PKNOX2: variants seen among roughly 807,000 people sequenced by gnomAD.
PKNOX2 encodes the protein PBX/knotted 1 homeobox 2.
Under a neutral mutation model 53.1 loss-of-function variants are expected in PKNOX2, and 14 were observed. The observed-to-expected ratio is 0.26, with a 90% CI of 0.17 to 0.41. PKNOX2 has a LOEUF of 0.41. Ranked by LOEUF, PKNOX2 falls within the 10% of genes least tolerant of loss-of-function variation. The pLI is 1.00. For synonymous variants in PKNOX2, 257 were observed against 242.8 expected, an observed-to-expected ratio of 1.06 and a Z score of -0.54; for missense variants, 496 against 602.8, an observed-to-expected ratio of 0.82 and a Z score of 1.85.
At chr11:125,274,093 G>T (rs1027434846) in intron 2 of PKNOX2, among the ~76,000 whole-genome samples, 5 of 152,178 alleles carry the variant, frequency 3.3e-5, no homozygotes, top group Non-Finnish European at 7.4e-5. Context: ...TGTGTATTCT[G>T]TGCCTAAAGC....
At chr11:125,242,280 G>A (rs148652052) in intron 2 of PKNOX2, among the ~76,000 whole-genome samples, 174 of 152,300 alleles carry the variant, frequency 1.1e-3, no homozygotes, top group South Asian at 6.6e-3. Flanking sequence ...GGCCCACTGG[G>A]GAACCCCAGG....
intron 1 of PKNOX2, among the ~76,000 whole-genome samples, chr11:125,184,663 A>C (rs945549153): frequency 9.2e-5 from 14 of 152,094 alleles, no homozygotes; most frequent in Non-Finnish European, 1.5e-4. Flanking sequence ...GAGCCTCTGG[A>C]ACCTGCCTGT....
At chr11:125,360,483 A>G (rs1404021809) in intron 4 of PKNOX2, among the ~76,000 whole-genome samples, 1 of 152,196 alleles carries the variant, frequency 6.6e-6, no homozygotes, top group Non-Finnish European at 1.5e-5. Context: ...TTTTTACCTC[A>G]TGGGGAAACT....
In PKNOX2 at chr11:125,192,827, G is replaced by A. The variant is rs12286451; in HGVS notation, c.-201+28051G>A. 7.5e-3 allele frequency among the ~76,000 whole-genome samples: 1,135 copies of A among 152,312 alleles called. 17 individuals carry two copies. The highest frequency in any genetic ancestry group is 0.026 in the African/African-American group (1,067 of 41,568). On this transcript the variant is annotated intron_variant, in intron 1 of 12. Coordinates refer to ENST00000298282, the MANE Select transcript of PKNOX2 (RefSeq NM_001382323.2). The stretch of plus-strand genomic sequence containing the variant: ...GAAATCACGGCCAGCCAGGTCGAGG[G>A]GGCTTGGTTTTGCTTTTTTGAGGGA...
rs1339504430 is a variant in PKNOX2, at chr11:125,240,959, G to A, written c.-130+5844G>A. Among the ~76,000 whole-genome samples, 1 of 152,240 alleles carries A rather than the reference G, an allele frequency of 6.6e-6. No individual in the cohort carries two copies. Among genetic ancestry groups the A allele is most frequent in the African/African-American group, 2.4e-5 (1 of 41,454 alleles). On this transcript the variant is annotated intron_variant, in intron 2 of 12. Coordinates refer to ENST00000298282, the MANE Select transcript of PKNOX2 (RefSeq NM_001382323.2). The surrounding 1 kb of genome is among the most constrained non-coding windows in gnomAD (Gnocchi z 4.3). ...ATTTATCATCAGAGCTAGCCAAGGA[G>A]AGCCTCCCGTATCTGGAGGAGCCTA...
chr11:125,256,615 G>A lies in PKNOX2; in HGVS notation c.-130+21500G>A, dbSNP rs181999999. Reference sequence around the variant, plus strand: ...TTATCTCTGGGGATTGGTGGTCAGCGGTGCCTCCCCCTGCCAGTCCTCATC... The same window carrying A: ...TTATCTCTGGGGATTGGTGGTCAGCAGTGCCTCCCCCTGCCAGTCCTCATC... On this transcript the variant is annotated intron_variant, in intron 2 of 12. Transcript: ENST00000298282. Among the ~76,000 whole-genome samples the A allele has an allele frequency of 2.5e-3, 379 of 152,266 alleles. 3 individuals carry two copies. Among genetic ancestry groups the A allele is most frequent in the Non-Finnish European group, 1.7e-3 (119 of 68,028 alleles).
At chr11:125,316,116 CGAT>C (rs1206129536) in intron 2 of PKNOX2, among the ~76,000 whole-genome samples, 1 of 152,164 alleles carries the variant, frequency 6.6e-6, no homozygotes, top group Non-Finnish European at 1.5e-5. Flanking sequence ...ATGGAGCCCA[CGAT>C]GGTGTGCGAA....
intron 2 of PKNOX2, among the ~76,000 whole-genome samples, chr11:125,313,965 G>C (rs1399294575): frequency 2.0e-5 from 3 of 152,170 alleles, no homozygotes; most frequent in Non-Finnish European, 4.4e-5. Context: ...AGTTCTGTGT[G>C]TAAAGCACTG....
intron 1 of PKNOX2, among the ~76,000 whole-genome samples, chr11:125,207,031 G>T (rs1466065345): frequency 7.3e-6 from 1 of 136,350 alleles, no homozygotes; most frequent in Non-Finnish European, 1.6e-5. Context: ...GTGGCGGGGG[G>T]TGAGGGGGTG....
At chr11:125,330,445 G>C (rs1389477589) in intron 2 of PKNOX2, 2 of 152,322 alleles carry the variant, frequency 1.3e-5, no homozygotes, top group African/African-American at 4.8e-5. Flanking sequence ...GCAGGCAATG[G>C]CTGGTATCTC....
intron 5 of PKNOX2, among the ~76,000 whole-genome samples, chr11:125,378,276 C>T (rs1200797600): frequency 1.3e-5 from 2 of 152,250 alleles, no homozygotes; most frequent in Non-Finnish European, 2.9e-5. Context: ...CCGATCCCTG[C>T]GTGCCCCACC....
intron 2 of PKNOX2, among the ~76,000 whole-genome samples, chr11:125,274,605 G>A (rs1245816655): frequency 2.6e-5 from 4 of 152,240 alleles, no homozygotes; most frequent in Non-Finnish European, 4.4e-5. Context: ...AGGAACACAC[G>A]GGGATGGAAC....
At chr11:125,426,280 A>G (rs544290792) in intron 10 of PKNOX2, among the ~76,000 whole-genome samples, 2 of 152,314 alleles carry the variant, frequency 1.3e-5, no homozygotes, top group African/African-American at 4.8e-5. Flanking sequence ...GCCATTCTTC[A>G]AAGTCCAACT....
chr11:125,255,527 A>C (rs543621160), intron 2 of PKNOX2, among the ~76,000 whole-genome samples: 8 of 152,322 alleles, frequency 5.3e-5, no homozygotes, highest in African/African-American at 1.7e-4. Flanking sequence ...CATGCCAGGC[A>C]CTGGGGCTCA....
At chr11:125,341,676 T>C (rs547425757) in intron 3 of PKNOX2, among the ~76,000 whole-genome samples, 7 of 152,334 alleles carry the variant, frequency 4.6e-5, no homozygotes, top group Non-Finnish European at 8.8e-5. Context: ...CATGGAACAG[T>C]AGGCTTTGGA....
chr11:125,287,306 A>G (rs1435901118), intron 2 of PKNOX2, among the ~76,000 whole-genome samples: 1 of 152,218 alleles, frequency 6.6e-6, no homozygotes, highest in African/African-American at 2.4e-5. Flanking sequence ...GCCATTGGAA[A>G]GAAAAGTAGC....
intron 1 of PKNOX2, among the ~76,000 whole-genome samples, chr11:125,182,385 G>A (rs1045645220): frequency 2.0e-5 from 3 of 152,182 alleles, no homozygotes; most frequent in African/African-American, 7.2e-5. Flanking sequence ...GTCTATGGAA[G>A]ATCTAGCTGA....
At chr11:125,221,395 T>C (rs552013694) in intron 1 of PKNOX2, among the ~76,000 whole-genome samples, 43 of 152,284 alleles carry the variant, frequency 2.8e-4, no homozygotes, top group South Asian at 1.2e-3. Flanking sequence ...GTGCAGTGTG[T>C]TTGGGGCACA....
intron 2 of PKNOX2, among the ~76,000 whole-genome samples, chr11:125,317,574 T>C (rs1339353176): frequency 2.0e-5 from 3 of 152,366 alleles, no homozygotes; most frequent in Middle Eastern, 3.4e-3. Flanking sequence ...ATCACGTGCA[T>C]TGCCAATGAC....
Sources: allele counts gnomAD v4.1 joint callset (sites outside exome capture counted in the v4.1 genomes callset), GRCh38; gene constraint gnomAD v4.1.1; non-coding constraint Gnocchi (gnomAD v3.1); transcripts MANE v1.5; gene names NCBI Gene and HGNC (gene_info 2026-07-23, HGNC 2026-07-21).